The following SF3A1 variants were observed in gnomAD, a reference collection of about 807,000 sequenced individuals.
SF3A1 encodes the protein SAP 114.
SF3A1 carries 13 observed loss-of-function variants against 89.9 expected under a neutral mutation model. The ratio of observed to expected loss-of-function variants is 0.14; its 90% CI spans 0.09 to 0.23. The LOEUF (loss-of-function observed/expected upper bound fraction) is 0.23. Ranked by LOEUF, SF3A1 falls within the 10% of genes least tolerant of loss-of-function variation. The pLI is 1.00. For missense variants in SF3A1, 604 were observed against 1,022.1 expected, an observed-to-expected ratio of 0.59 and a Z score of 5.58; for synonymous variants, 405 against 374.4, an observed-to-expected ratio of 1.08 and a Z score of -0.94.
chr22:30,351,604 G>C (rs1298499234), intron 2 of SF3A1, among the ~76,000 whole-genome samples: 1 of 152,104 alleles, frequency 6.6e-6, no homozygotes, highest in Non-Finnish European at 1.5e-5. Flanking sequence ...GGGCCCAACC[G>C]ATCCTCTTGC....
chr22:30,352,740 T>C (rs1392965447), intron 2 of SF3A1: 1 of 462,952 alleles, frequency 2.2e-6, no homozygotes, highest in Non-Finnish European at 3.9e-6. Context: ...CTGGTGACTG[T>C]GGGGCTAAGT....
chr22:30,340,717 G>A lies in SF3A1; in HGVS notation c.1167C>T (p.Val389=). ...TACCTTTGGGATCATAATCCTTGCG[G>A]ACAATGACTTGGTCTGGAGTTGGGG... ...PLPPTPDQVI[V]RKDYDPKASK... The change falls in exon 8 of 16, where the codon GTC becomes GTT. Residue 389 remains valine (V), a synonymous_variant. Coordinates refer to ENST00000215793, the MANE Select transcript of SF3A1 (RefSeq NM_005877.6). 1.2e-6 allele frequency: 2 copies of A among 1,607,324 alleles called. No homozygotes were observed. Among genetic ancestry groups the A allele is most frequent in the East Asian group, 4.5e-5 (2 of 44,588 alleles).
At chr22:30,340,120 GCTTT>G in intron 9 of SF3A1, 72 bp downstream of exon 9, 6 of 1,303,414 alleles carry the variant, frequency 4.6e-6, no homozygotes, top group Non-Finnish European at 6.1e-6. Flanking sequence ...CTCAATTGTT[GCTTT>G]CTATGTTTGC....
At chr22:30,338,097 T>C (rs767777889) in intron 11 of SF3A1, among the ~76,000 whole-genome samples, 200 bp from the exon 12 acceptor site, 28 of 152,102 alleles carry the variant, frequency 1.8e-4, no homozygotes, top group Admixed American at 2.6e-4. Context: ...TGACACTCTC[T>C]CTACTTGGGA....
At chr22:30,348,413 C>A (rs981824776) in intron 2 of SF3A1, among the ~76,000 whole-genome samples, 1 of 152,110 alleles carries the variant, frequency 6.6e-6, no homozygotes, top group Admixed American at 6.5e-5. Flanking sequence ...GAGGCTGAGG[C>A]GAGAGGATCA....
chr22:30,339,361 G>A, intron 9 of SF3A1, 110 bp from the exon 10 acceptor site: 2 of 1,378,756 alleles, frequency 1.5e-6, no homozygotes, highest in Non-Finnish European at 2.0e-6. Context: ...TCCATGGGAT[G>A]AGGGTGACTC....
At chr22:30,342,013 C>T in intron 6 of SF3A1, 128 bp from the exon 7 acceptor site, 1 of 1,175,356 alleles carries the variant, frequency 8.5e-7, no homozygotes, top group Non-Finnish European at 1.2e-6. Context: ...CATCTAGGGT[C>T]TGGCAAGTAC....
intron 1 of SF3A1, among the ~76,000 whole-genome samples, chr22:30,353,669 A>G (rs754591388): frequency 6.6e-6 from 1 of 152,142 alleles, no homozygotes; most frequent in Non-Finnish European, 1.5e-5. Context: ...ACTCTTTCAC[A>G]TAGACCTTTA....
chr22:30,337,740 G>A lies in SF3A1; in HGVS notation c.1901C>T (p.Ser634Leu), dbSNP rs1206717565. ...GCGGGGGGCCATAATAGGAGGGGCC[G>A]AGGGAGGCATGGGCACCACGTTGAT... is the stretch of plus-strand genomic sequence containing the variant. ...PRINVVPMPPSAPPIMAPRPP... is the reference protein window; with the variant it reads ...PRINVVPMPPLAPPIMAPRPP... Residue 634 changes from serine to leucine, a missense_variant, in exon 12 of 16, where the codon TCG (serine) becomes TTG (leucine). By Grantham distance (145) the Ser-to-Leu change is moderately radical (BLOSUM62 -2). Transcript: ENST00000215793. 1 of 1,571,022 alleles carries A rather than the reference G, an allele frequency of 6.4e-7. No individual in the cohort carries two copies. Among genetic ancestry groups the A allele is most frequent in the East Asian group, 2.3e-5 (1 of 43,720 alleles).
chr22:30,351,030 G>A (rs546879376), intron 2 of SF3A1, among the ~76,000 whole-genome samples: 22 of 152,374 alleles, frequency 1.4e-4, no homozygotes, highest in African/African-American at 4.8e-4. Flanking sequence ...GGCTGGTGCC[G>A]TGGCTCACGC....
Position 30,334,534 on chromosome 22 carries a change from G to T in SF3A1, c.*60C>A. The T allele has an allele frequency of 9.2e-7, 1 of 1,082,794 alleles. No individual in the cohort carries two copies. Among genetic ancestry groups the T allele is most frequent in the Non-Finnish European group, 1.3e-6 (1 of 749,974 alleles). 67.1% of individuals were successfully genotyped at this position (1,082,794 alleles called of 1,614,324 possible). A position where few individuals can be genotyped will look rare whatever the true frequency, so the allele number is the denominator to read the frequency against. On this transcript the variant is annotated 3_prime_UTR_variant, in exon 16 of 16. Coordinates refer to ENST00000215793, the MANE Select transcript of SF3A1 (RefSeq NM_005877.6). Reference sequence around the variant, plus strand: ...CCTCAGGGGGGCTCCTGGGTCTGGGGCAGGGGGTGGGAGACAGGAGAGGCA... The same window carrying T: ...CCTCAGGGGGGCTCCTGGGTCTGGGTCAGGGGGTGGGAGACAGGAGAGGCA...
In SF3A1 at chr22:30,356,714, G is replaced by C. The variant is rs113215395; in HGVS notation, c.63+16C>G. 6.7e-7 allele frequency: 1 copy of C among 1,482,708 alleles called. No homozygotes were observed. Among genetic ancestry groups the C allele is most frequent in the Admixed American group, 2.3e-5 (1 of 44,296 alleles). The allele number at this position is 1,482,708 out of a possible 1,614,324, so 91.8% of individuals were successfully genotyped here. A position where few individuals can be genotyped will look rare whatever the true frequency, so the allele number is the denominator to read the frequency against. On this transcript the variant is annotated intron_variant, in intron 1 of 15. Coordinates refer to ENST00000215793, the MANE Select transcript of SF3A1 (RefSeq NM_005877.6). Reference sequence around the variant, plus strand: ...CCAACCCTCCGGCTGCAGGCTGAGGGGCGGGGGAGAGGTACCTGTTTGGGC... The same window carrying C: ...CCAACCCTCCGGCTGCAGGCTGAGGCGCGGGGGAGAGGTACCTGTTTGGGC...
chr22:30,337,214 G>A, intron 12 of SF3A1, 34 bp from the exon 13 acceptor site: 1 of 1,572,080 alleles, frequency 6.4e-7, no homozygotes, highest in South Asian at 1.2e-5. Flanking sequence ...CCCATGAGAG[G>A]GCAGAAGGGG....
chr22:30,352,873 A>C, intron 2 of SF3A1, 78 bp downstream of exon 2: 1 of 1,545,806 alleles, frequency 6.5e-7, no homozygotes, highest in Non-Finnish European at 8.8e-7. Flanking sequence ...CGTCTCTTTA[A>C]AAACCCTTGT....
chr22:30,352,796 T>C (rs1357143463), intron 2 of SF3A1, 155 bp downstream of exon 2: 1 of 757,472 alleles, frequency 1.3e-6, no homozygotes, highest in Non-Finnish European at 2.1e-6. Context: ...GGGACACCAG[T>C]CCTACCTATT....
At chr22:30,346,205 T>C in intron 3 of SF3A1, 107 bp downstream of exon 3, 2 of 792,054 alleles carry the variant, frequency 2.5e-6, no homozygotes, top group South Asian at 3.3e-5. Context: ...ACGACCTCAC[T>C]TCTCTCCCTG....
In SF3A1 at chr22:30,356,868, G is replaced by A; in HGVS notation, c.-76C>T. On this transcript the variant is annotated 5_prime_UTR_variant, in exon 1 of 16. Coordinates refer to ENST00000215793, the MANE Select transcript of SF3A1 (RefSeq NM_005877.6). ...CGCCTCAAGACAGCCTCCCCGCTCGGTCAGTACGACGAGCTCGCAAGATGG... is the reference window on the plus strand; with the variant it reads ...CGCCTCAAGACAGCCTCCCCGCTCGATCAGTACGACGAGCTCGCAAGATGG... 1 of 1,208,214 alleles carries A rather than the reference G, an allele frequency of 8.3e-7. No individual in the cohort carries two copies. The highest frequency in any genetic ancestry group is 1.1e-6 in the Non-Finnish European group (1 of 949,390). The allele number at this position is 1,208,214 out of a possible 1,614,324, so 74.8% of individuals were successfully genotyped here.
At chr22:30,352,784 C>T (rs1450503162) in intron 2 of SF3A1, 167 bp downstream of exon 2, 3 of 668,678 alleles carry the variant, frequency 4.5e-6, no homozygotes, top group Admixed American at 5.8e-5. Context: ...TATGCTGTGT[C>T]AGGGACACCA....
intron 2 of SF3A1, among the ~76,000 whole-genome samples, chr22:30,351,057 T>C (rs1370911523): frequency 6.6e-6 from 1 of 152,216 alleles, no homozygotes; most frequent in East Asian, 1.9e-4. Flanking sequence ...TCCCAGCACT[T>C]TGGGAGGCCC....
Sources: allele counts gnomAD v4.1 joint callset (sites outside exome capture counted in the v4.1 genomes callset), GRCh38; gene constraint gnomAD v4.1.1; transcripts MANE v1.5; gene names NCBI Gene and HGNC (gene_info 2026-07-23, HGNC 2026-07-21).